Variants in DMRT1 observed in about 807,000 individuals in gnomAD.
The protein encoded by DMRT1 is doublesex- and mab-3-related transcription factor 1.
DMRT1 carries 7 observed loss-of-function variants against 32.3 expected under a neutral mutation model. The observed-to-expected ratio is 0.22, with a 90% confidence interval of 0.12 to 0.41. The LOEUF (loss-of-function observed/expected upper bound fraction) is 0.41, where lower values mean the gene tolerates loss of function less well. Among genes scored for constraint, DMRT1 ranks in the 10% least tolerant of loss-of-function variants. The pLI, the probability that DMRT1 is intolerant of heterozygous loss-of-function variation, is 1.00. For missense variants in DMRT1, 625 were observed against 500.5 expected, an observed-to-expected ratio of 1.25 and a Z score of -2.37; for synonymous variants, 278 against 206.1, an observed-to-expected ratio of 1.35 and a Z score of -2.99.
At chr9:844,756 T>C (rs1396565605) in intron 1 of DMRT1, among the ~76,000 whole-genome samples, 2 of 148,960 alleles carry the variant, frequency 1.3e-5, no homozygotes, top group African/African-American at 2.5e-5. Context: ...AGTCTCGCTC[T>C]GTCCCCCAGG....
Position 846,523 on chromosome 9 carries a change from T to G in DMRT1, c.355-437T>G, listed in dbSNP as rs531705857. On this transcript the variant is annotated intron_variant, in intron 1 of 4. Transcript: ENST00000382276. ...TACTCCTCCCCTTGGCTGACTATAG[T>G]TTTTTCCTGATCCTCCCTAGCCAAT... Among the ~76,000 whole-genome samples, 31 of 152,262 alleles carry G rather than the reference T, an allele frequency of 2.0e-4. No homozygotes were observed. In the East Asian group the frequency reaches 5.8e-3, roughly 28 times the overall value.
intron 3 of DMRT1, among the ~76,000 whole-genome samples, chr9:915,772 G>T (rs920730179): frequency 6.7e-6 from 1 of 149,816 alleles, no homozygotes; most frequent in Admixed American, 6.6e-5. Context: ...TCGCTCTGTC[G>T]CCCAGGCTGG....
chr9:876,176 G>A (rs1026388013), intron 2 of DMRT1, among the ~76,000 whole-genome samples: 4 of 152,172 alleles, frequency 2.6e-5, no homozygotes, highest in Non-Finnish European at 5.9e-5. Context: ...TTTGAGAACA[G>A]CACAACATAG....
intron 2 of DMRT1, among the ~76,000 whole-genome samples, chr9:886,103 A>T (rs1223326877): frequency 6.6e-6 from 1 of 152,200 alleles, no homozygotes; most frequent in Non-Finnish European, 1.5e-5. Context: ...TGGTTGCTGT[A>T]CTTAGTTGTA....
chr9:946,366 G>A (rs1178862997), intron 4 of DMRT1, among the ~76,000 whole-genome samples: 1 of 152,112 alleles, frequency 6.6e-6, no homozygotes, highest in Non-Finnish European at 1.5e-5. Context: ...GGAGTCTAGT[G>A]GTGGTTTTTA....
intron 4 of DMRT1, among the ~76,000 whole-genome samples, chr9:934,427 A>G (rs886973226): frequency 1.3e-5 from 2 of 152,202 alleles, no homozygotes; most frequent in Non-Finnish European, 2.9e-5. Context: ...GCTATTCAGG[A>G]GGCTGAGGGA....
chr9:865,889 C>T (rs1232519008), intron 2 of DMRT1, among the ~76,000 whole-genome samples: 1 of 152,124 alleles, frequency 6.6e-6, no homozygotes, highest in African/African-American at 2.4e-5. Flanking sequence ...GAGGGCAGCG[C>T]ACGGTGGCTC....
intron 4 of DMRT1, among the ~76,000 whole-genome samples, chr9:928,272 C>G (rs949375050): frequency 2.6e-5 from 4 of 152,196 alleles, no homozygotes; most frequent in African/African-American, 9.7e-5. Context: ...CCATGATCAT[C>G]TGCTTAACAC....
chr9:913,514 AAG>A (rs901450327), intron 3 of DMRT1, among the ~76,000 whole-genome samples: 3 of 152,246 alleles, frequency 2.0e-5, no homozygotes, highest in African/African-American at 4.8e-5. Flanking sequence ...AAAATAAAAA[AAG>A]AATGAAAATT....
rs1380718971 is a variant in DMRT1, at chr9:883,075, C to G, written c.539-10837C>G. On this transcript the variant is annotated intron_variant, in intron 2 of 4. Transcript: ENST00000382276. ...GCATGAGCCACCAAGCCTGCCCACC[C>G]CACCCTTTTCACTCTTTCACTCTTT... is the stretch of plus-strand genomic sequence containing the variant. 4.0e-5 allele frequency among the ~76,000 whole-genome samples: 6 copies of G among 151,816 alleles called. No individual in the cohort carries two copies. In the East Asian group the frequency reaches 1.2e-3, roughly 30 times the overall value.
intron 3 of DMRT1, among the ~76,000 whole-genome samples, chr9:909,486 A>G (rs1817895645): frequency 6.6e-6 from 1 of 152,022 alleles, no homozygotes; most frequent in Non-Finnish European, 1.5e-5. Context: ...TCCCATTTAG[A>G]TGGTTCGAAA....
chr9:863,639 C>A (rs1038518542), intron 2 of DMRT1, among the ~76,000 whole-genome samples: 5 of 152,136 alleles, frequency 3.3e-5, no homozygotes, highest in African/African-American at 9.7e-5. Flanking sequence ...GAAATGCAGC[C>A]CCACAGACAC....
intron 4 of DMRT1, among the ~76,000 whole-genome samples, chr9:927,395 G>A (rs1818563282): frequency 6.6e-6 from 1 of 152,226 alleles, no homozygotes; most frequent in Non-Finnish European, 1.5e-5. Flanking sequence ...TCGCTGCAAT[G>A]TTTACTGCTT....
At chr9:881,250 T>G (rs1816725493) in intron 2 of DMRT1, among the ~76,000 whole-genome samples, 1 of 152,146 alleles carries the variant, frequency 6.6e-6, no homozygotes, top group Non-Finnish European at 1.5e-5. Flanking sequence ...CCAGGAAAAT[T>G]TACAAGACAA....
intron 2 of DMRT1, among the ~76,000 whole-genome samples, chr9:878,032 T>C (rs1816574822): frequency 6.6e-6 from 1 of 152,172 alleles, no homozygotes; most frequent in South Asian, 2.1e-4. Context: ...CTGGAGGTCA[T>C]AGACCACGCT....
intron 4 of DMRT1, among the ~76,000 whole-genome samples, chr9:940,672 G>C (rs1337990694): frequency 6.6e-6 from 1 of 151,990 alleles, no homozygotes; most frequent in East Asian, 1.9e-4. Flanking sequence ...TAAAGGCTCA[G>C]GTAACAAAAG....
chr9:955,234 G>A (rs538704693), intron 4 of DMRT1, among the ~76,000 whole-genome samples: 3 of 152,100 alleles, frequency 2.0e-5, no homozygotes, highest in Admixed American at 6.6e-5. Flanking sequence ...GAAAGAGCAG[G>A]GCAGGCCACT....
chr9:862,415 C>G (rs982837121), intron 2 of DMRT1, among the ~76,000 whole-genome samples: 1 of 150,638 alleles, frequency 6.6e-6, no homozygotes, highest in African/African-American at 2.4e-5. Flanking sequence ...GCAGGAGAAT[C>G]AGGCAGGGAG....
chr9:870,709 CTTT>C (rs58893896), intron 2 of DMRT1, among the ~76,000 whole-genome samples: 1,084 of 69,586 alleles, frequency 0.016, 42 homozygotes, highest in African/African-American at 0.068. Flanking sequence ...ATTTTCTTGA[CTTT>C]TTTTTTTTTT....
Sources: allele counts gnomAD v4.1 joint callset (sites outside exome capture counted in the v4.1 genomes callset), GRCh38; gene constraint gnomAD v4.1.1; transcripts MANE v1.5; gene names NCBI Gene and HGNC (gene_info 2026-07-23, HGNC 2026-07-21).